LRRC34: variants seen among roughly 807,000 people sequenced by gnomAD.
The protein encoded by LRRC34 is leucine rich repeat containing 34.
A neutral mutation model predicts 48.5 loss-of-function variants in LRRC34; 44 were observed. That is an observed-to-expected ratio of 0.91 (90% CI 0.71 to 1.17). The LOEUF is 1.17. LRRC34 is among the 50% of genes most tolerant of loss of function. The pLI, the probability that LRRC34 is intolerant of heterozygous loss-of-function variation, is 0.00. For missense variants in LRRC34, 502 were observed against 563.0 expected (o/e 0.89, Z 1.10); for synonymous variants, 192 against 197.6 (o/e 0.97, Z 0.24).
intron 7 of LRRC34, among the ~76,000 whole-genome samples, chr3:169,797,422 A>C (rs899382751): frequency 4.6e-5 from 7 of 152,124 alleles, no homozygotes; most frequent in African/African-American, 1.4e-4. Flanking sequence ...ATTCATCTCA[A>C]ATTCCTAAGA....
Position 169,812,098 on chromosome 3 carries a change from T to G in LRRC34, c.139+312A>C, listed in dbSNP as rs1245683382. Among the ~76,000 whole-genome samples, 1 of 96,586 alleles carries G rather than the reference T, an allele frequency of 1.0e-5. No individual in the cohort carries two copies. The highest frequency in any genetic ancestry group is 2.1e-5 in the Non-Finnish European group (1 of 47,850). 63.4% of individuals were successfully genotyped at this position (96,586 alleles called of 152,430 possible). A position where few individuals can be genotyped will look rare whatever the true frequency, so the allele number is the denominator to read the frequency against. On this transcript the variant is annotated intron_variant, in intron 1 of 10. Transcript: ENST00000446859. The surrounding 1 kb of genome is among the most constrained non-coding windows in gnomAD (Gnocchi z 4.3). ...TGAGAAGAGCCCCCCCGCCACCCCC[T>G]CCCGGAGACCCTGAGAGCACGGCGA...
chr3:169,811,823 T>C (rs1329070115), intron 1 of LRRC34, among the ~76,000 whole-genome samples: 8 of 152,166 alleles, frequency 5.3e-5, no homozygotes, highest in Admixed American at 5.2e-4. Flanking sequence ...ACACTGCCCA[T>C]CTCCTGGATG....
At chr3:169,807,843 A>T in intron 2 of LRRC34, 134 bp from the exon 3 acceptor site, 4 of 1,064,816 alleles carry the variant, frequency 3.8e-6, no homozygotes, top group Non-Finnish European at 3.9e-6. Context: ...AGCATATAAT[A>T]AGTAGACTTA....
rs373274542 is a variant in LRRC34, at chr3:169,807,507, T to G, written c.380-17A>C. 1.2e-5 allele frequency: 20 copies of G among 1,613,408 alleles called. No individual in the cohort carries two copies. Among genetic ancestry groups the G allele is most frequent in the Admixed American group, 3.3e-5 (2 of 59,984 alleles). ...CATCCAAACCTGAAGCACAGATGAA[T>G]AGAAGTGGATATTCATTATAAAGAA... On this transcript the variant is annotated splice_polypyrimidine_tract_variant and intron_variant, in intron 3 of 10. Transcript: ENST00000446859.
chr3:169,796,221 G>A lies in LRRC34; in HGVS notation c.1057C>T (p.Leu353Phe). The A allele has an allele frequency of 6.2e-7, 1 of 1,600,462 alleles. No homozygotes were observed. Among genetic ancestry groups the A allele is most frequent in the Non-Finnish European group, 8.5e-7 (1 of 1,176,610 alleles). ...SETLTSHNRS[L>F]KALSVVSNNI... Reference sequence around the variant, plus strand: ...ATATAAAACCATACTAACGCTTTAAGACTCCTGTTGTGTGAAGTAAGAGTT... The same window carrying A: ...ATATAAAACCATACTAACGCTTTAAAACTCCTGTTGTGTGAAGTAAGAGTT... The change falls in exon 9 of 11, where the codon CTT (leucine) becomes TTT (phenylalanine). Residue 353 changes from leucine to phenylalanine, a missense_variant. Transcript: ENST00000446859.
At chr3:169,797,116 T>A (rs917450613) in intron 7 of LRRC34, 2 of 320,360 alleles carry the variant, frequency 6.2e-6, no homozygotes, top group Non-Finnish European at 1.1e-5. Context: ...AGTCACTATA[T>A]TTTACAAGTG....
At chr3:169,806,578 T>C (rs558921718) in intron 5 of LRRC34, among the ~76,000 whole-genome samples, 2 of 151,964 alleles carry the variant, frequency 1.3e-5, no homozygotes, top group East Asian at 3.9e-4. Flanking sequence ...GTAGTGATAC[T>C]TGCACAGCCC....
At chr3:169,805,055 G>A (rs1576743605) in intron 5 of LRRC34, among the ~76,000 whole-genome samples, 1 of 152,132 alleles carries the variant, frequency 6.6e-6, no homozygotes, top group Admixed American at 6.5e-5. Flanking sequence ...ACATATAATA[G>A]TGTAAATAAT....
chr3:169,800,004 TGC>T (rs1162042339), intron 7 of LRRC34, among the ~76,000 whole-genome samples: 1 of 152,228 alleles, frequency 6.6e-6, no homozygotes, highest in Non-Finnish European at 1.5e-5. Flanking sequence ...TGAGCCACCG[TGC>T]CCGGCCAAAC....
In LRRC34 at chr3:169,812,773, G is replaced by A; in HGVS notation, c.-225C>T. The A allele has an allele frequency of 1.8e-6, 1 of 550,120 alleles. No individual in the cohort carries two copies. The highest frequency in any genetic ancestry group is 3.0e-6 in the Non-Finnish European group (1 of 330,252). The allele number at this position is 550,120 out of a possible 1,614,324, so 34.1% of individuals were successfully genotyped here. A position where few individuals can be genotyped will look rare whatever the true frequency, so the allele number is the denominator to read the frequency against. On this transcript the variant is annotated 5_prime_UTR_variant, in exon 1 of 11. Transcript: ENST00000446859. The surrounding 1 kb of genome is among the most constrained non-coding windows in gnomAD (Gnocchi z 4.3). ...TCCTTTGCAGGGAGGAGTTCCCGAG[G>A]TTTGAGGGGCTCCGCTGCTGAGCTA...
chr3:169,799,981 G>C (rs1411383233), intron 7 of LRRC34, among the ~76,000 whole-genome samples: 1 of 152,182 alleles, frequency 6.6e-6, no homozygotes, highest in Non-Finnish European at 1.5e-5. Flanking sequence ...CCAAAGTGCT[G>C]GGATTACAGA....
intron 2 of LRRC34, 84 bp downstream of exon 2, chr3:169,808,544 T>C: frequency 2.6e-6 from 2 of 778,798 alleles, no homozygotes; most frequent in South Asian, 3.4e-5. Context: ...CAAATGGCTA[T>C]AAAATCACTC....
At chr3:169,804,004 C>T in intron 6 of LRRC34, 49 bp downstream of exon 6, 1 of 1,466,688 alleles carries the variant, frequency 6.8e-7, no homozygotes, top group South Asian at 1.5e-5. Context: ...TTTAGCTGTT[C>T]TCTAATGACC....
Position 169,796,891 on chromosome 3 carries a change from A to G in LRRC34, c.762T>C (p.Ser254=), listed in dbSNP as rs572043519. 1.2e-5 allele frequency: 18 copies of G among 1,564,208 alleles called. No homozygotes were observed. The South Asian group carries it at 2.2e-4, about 19-fold the overall frequency. ...RPILYSEQEE[S]TVHVGRMLKE... is the part of the protein sequence containing the mutation. ...TCAACATGCGGCCTACATGGACTGT[A>G]GACTCTTCCTAAAAGTGGATAAAAT... The change falls in exon 8 of 11, where the codon TCT becomes TCC. Residue 254 remains serine (S), a synonymous_variant. Transcript: ENST00000446859.
intron 7 of LRRC34, among the ~76,000 whole-genome samples, chr3:169,798,931 G>A (rs2108228183): frequency 6.6e-6 from 1 of 152,244 alleles, no homozygotes; most frequent in East Asian, 1.9e-4. Context: ...CAAGTGCTAT[G>A]TAATTTATTT....
At position 169,812,529 on chromosome 3, in the gene LRRC34, C is replaced by T; in HGVS notation, c.20G>A (p.Arg7Gln). The T allele has an allele frequency of 6.6e-7, 1 of 1,508,068 alleles. No homozygotes were observed. The highest frequency in any genetic ancestry group is 8.8e-7 in the Non-Finnish European group (1 of 1,136,280). 93.4% of individuals were successfully genotyped at this position (1,508,068 alleles called of 1,614,324 possible). A position where few individuals can be genotyped will look rare whatever the true frequency, so the allele number is the denominator to read the frequency against. Residue 7 changes from arginine to glutamine, a missense_variant, in exon 1 of 11, where the codon CGG becomes CAG. Coordinates refer to ENST00000446859, the MANE Select transcript of LRRC34 (RefSeq NM_001172779.2). This position sits in a 1 kb window ranked among gnomAD's most constrained non-coding sequence, Gnocchi z 4.3. ...CCCCATGCTCCTCTCACCCACTGGC[C>T]GCGGCGGCTGCGCTGCCATGGCGAC... MAAQPP[R>Q]PVGERSMGSS...
chr3:169,800,989 G>A (rs1256964470), intron 6 of LRRC34, among the ~76,000 whole-genome samples: 1 of 152,096 alleles, frequency 6.6e-6, no homozygotes, highest in Non-Finnish European at 1.5e-5. Context: ...ATGTTTCAGT[G>A]TCCATTTCCT....
intron 9 of LRRC34, 46 bp from the exon 10 acceptor site, chr3:169,795,657 A>G: frequency 6.3e-7 from 1 of 1,586,526 alleles, no homozygotes; most frequent in African/African-American, 1.3e-5. Context: ...AATTAGCAAC[A>G]TTTATTACAA....
chr3:169,797,021 C>G (rs147979654), intron 7 of LRRC34, 122 bp from the exon 8 acceptor site: 1 of 685,122 alleles, frequency 1.5e-6, no homozygotes. Context: ...AACTGTTAGT[C>G]CACAATTTGC....
Sources: allele counts gnomAD v4.1 joint callset (sites outside exome capture counted in the v4.1 genomes callset), GRCh38; gene constraint gnomAD v4.1.1; non-coding constraint Gnocchi (gnomAD v3.1); transcripts MANE v1.5; gene names NCBI Gene and HGNC (gene_info 2026-07-23, HGNC 2026-07-21).